KMT2A: variants seen among roughly 807,000 people sequenced by gnomAD.
KMT2A encodes the protein lysine methyltransferase 2A.
In KMT2A, 16 loss-of-function variants were observed where a neutral mutation model predicts 345.3. The ratio of observed to expected loss-of-function variants is 0.05; its 90% confidence interval spans 0.03 to 0.07. The LOEUF is 0.07. Among genes scored for constraint, KMT2A ranks in the 10% least tolerant of loss-of-function variants. The pLI, the probability that KMT2A is intolerant of heterozygous loss-of-function variation, is 1.00. For synonymous variants in KMT2A, 1,599 were observed against 1,778.6 expected (o/e 0.90, Z 2.54); for missense variants, 3,272 against 4,841.6 (o/e 0.68, Z 9.62).
rs1458774618 is a variant in KMT2A at position 118,526,504 on chromosome 11, A to G, written c.*4332A>G. 1.3e-5 allele frequency: 3 copies of G among 230,288 alleles called. No homozygotes were observed. The highest frequency in any genetic ancestry group is 2.6e-5 in the Non-Finnish European group (3 of 116,508). 14.3% of individuals were successfully genotyped at this position (230,288 alleles called of 1,614,324 possible). ...GACAAGCTTCTTTTCTAGAAATAAGACATTTTTTGACAACTTTATCATGTA... is the reference window on the plus strand; with the variant it reads ...GACAAGCTTCTTTTCTAGAAATAAGGCATTTTTTGACAACTTTATCATGTA... On this transcript the variant is annotated 3_prime_UTR_variant, in exon 36 of 36. Transcript: ENST00000534358.
Position 118,475,991 on chromosome 11 carries a change from C to T in KMT2A, c.3157-814C>T, listed in dbSNP as rs1197352060. Among the ~76,000 whole-genome samples, 16 of 152,092 alleles carry T rather than the reference C, an allele frequency of 1.1e-4. No individual in the cohort carries two copies. In the South Asian group the frequency reaches 1.2e-3, roughly 12 times the overall value. On this transcript the variant is annotated intron_variant, in intron 3 of 35. Transcript: ENST00000534358. ...CGTGATCTTGGCTCACTGCAACGTCCGCCTCCCAGGTTCAAGCAATTCTCC... is the reference window on the plus strand; with the variant it reads ...CGTGATCTTGGCTCACTGCAACGTCTGCCTCCCAGGTTCAAGCAATTCTCC...
rs1951077630 is a variant in KMT2A, at chr11:118,526,140, T to C, written c.*3968T>C. The C allele has an allele frequency of 4.6e-6, 1 of 217,522 alleles. No homozygotes were observed. Among genetic ancestry groups the C allele is most frequent in the Non-Finnish European group, 9.2e-6 (1 of 108,164 alleles). 13.5% of individuals were successfully genotyped at this position (217,522 alleles called of 1,614,324 possible). On this transcript the variant is annotated 3_prime_UTR_variant, in exon 36 of 36. Transcript: ENST00000534358. ...GCTCACTTTCCTCTGATTCCCGAAA[T>C]GGGGGGAACCTCTAACCATAAAGGA... is the stretch of plus-strand genomic sequence containing the variant.
rs782264066 is a variant in KMT2A at position 118,472,565 on chromosome 11, C to T, written c.1406C>T (p.Ser469Phe). Residue 469 changes from serine (S) to phenylalanine (F), a missense_variant, in exon 3 of 36, where the codon TCC becomes TTC. This residue lies in a region of KMT2A where 180 missense variants were observed against 190.7 expected (regional missense o/e 0.94). Coordinates refer to ENST00000534358, the MANE Select transcript of KMT2A (RefSeq NM_001197104.2). ...AAATCAAGTGCAGCTTCTCAGCACT[C>T]CTCTCAAATGTCTTCAGACTCCTCT... is the stretch of plus-strand genomic sequence containing the variant. Reference protein sequence around the residue: ...SEKSSAASQHSSQMSSDSSRS... With the variant: ...SEKSSAASQHFSQMSSDSSRS... The T allele has an allele frequency of 1.6e-5, 26 of 1,612,200 alleles. No individual in the cohort carries two copies. The highest frequency in any genetic ancestry group is 2.2e-5 in the South Asian group (2 of 90,926).
In KMT2A at chr11:118,484,918, T is replaced by C. The variant is rs1950203232; in HGVS notation, c.4275T>C (p.Ser1425=). 1 of 1,613,990 alleles carries C rather than the reference T, an allele frequency of 6.2e-7. No individual in the cohort carries two copies. Among genetic ancestry groups the C allele is most frequent in the East Asian group, 2.2e-5 (1 of 44,876 alleles). ...WEMGGLGILT[S]VPITPRVVCF... is the part of the protein sequence containing the mutation. ...TGGGAGGCTTAGGAATCTTGACTTC[T>C]GTTCCTATAACACCCAGGGTGGTTT... The change falls in exon 10 of 36, where the codon TCT becomes TCC. Residue 1425 remains serine (S), a synonymous_variant. Coordinates refer to ENST00000534358, the MANE Select transcript of KMT2A (RefSeq NM_001197104.2). This position sits in a 1 kb window ranked among gnomAD's most constrained non-coding sequence, Gnocchi z 4.1.
chr11:118,459,961 C>T (rs1220445712), intron 1 of KMT2A, among the ~76,000 whole-genome samples: 1 of 152,166 alleles, frequency 6.6e-6, no homozygotes, highest in Non-Finnish European at 1.5e-5. Context: ...TCCCAAAGTG[C>T]TGGGATTACA....
At chr11:118,478,880 CCA>C (rs1950083827) in intron 5 of KMT2A, among the ~76,000 whole-genome samples, 1 of 152,050 alleles carries the variant, frequency 6.6e-6, no homozygotes, top group East Asian at 1.9e-4. Context: ...CCTTGGCCTC[CCA>C]AAGTACTGGG....
Position 118,503,202 on chromosome 11 carries a change from A to G in KMT2A, c.7310A>G (p.Lys2437Arg), listed in dbSNP as rs782439470. 1 of 1,614,114 alleles carries G rather than the reference A, an allele frequency of 6.2e-7. No homozygotes were observed. The highest frequency in any genetic ancestry group is 8.5e-7 in the Non-Finnish European group (1 of 1,179,994). The change falls in exon 27 of 36, where the codon AAA becomes AGA. Residue 2437 changes from lysine to arginine, a missense_variant. This residue lies in a region of KMT2A where 445 missense variants were observed against 500.9 expected (regional missense o/e 0.89). Transcript: ENST00000534358. This position sits in a 1 kb window ranked among gnomAD's most constrained non-coding sequence, Gnocchi z 5.3. ...DRRQKGKKSC[K>R]ETFKEKHSSK... ...AGACAGAAAGGGAAAAAATCCTGTA[A>G]AGAAACTTTCAAAGAAAAGCATTCC... is the stretch of plus-strand genomic sequence containing the variant.
chr11:118,436,578 G>C lies in KMT2A; in HGVS notation c.66G>C (p.Gly22=). ...GGACCACCGGGGGCGGCGGCGGCGG[G>C]GGGCGCCGGGGCCTAGGGGGCGCCC... The part of the protein sequence containing the change: ...RPGTTGGGGG[G]GRRGLGGAPR... Residue 22 remains glycine (G), a synonymous_variant, in exon 1 of 36, where the codon GGG becomes GGC. Coordinates refer to ENST00000534358, the MANE Select transcript of KMT2A (RefSeq NM_001197104.2). The surrounding 1 kb of genome is among the most constrained non-coding windows in gnomAD (Gnocchi z 6.9). 2 of 1,182,074 alleles carry C rather than the reference G, an allele frequency of 1.7e-6. No individual in the cohort carries two copies. The highest frequency in any genetic ancestry group is 2.1e-6 in the Non-Finnish European group (2 of 946,136). The allele number at this position is 1,182,074 out of a possible 1,614,324, so 73.2% of individuals were successfully genotyped here.
intron 15 of KMT2A, among the ~76,000 whole-genome samples, chr11:118,492,337 CTGTTTA>C (rs1249167009): frequency 6.6e-6 from 1 of 152,206 alleles, no homozygotes; most frequent in African/African-American, 2.4e-5. Flanking sequence ...AAAACACTTT[CTGTTTA>C]TGTAAGTTGT....
At chr11:118,437,999 A>G (rs1467810013) in intron 1 of KMT2A, among the ~76,000 whole-genome samples, 2 of 151,848 alleles carry the variant, frequency 1.3e-5, no homozygotes, top group African/African-American at 4.8e-5. Context: ...GCAGTCTCCA[A>G]CCCGAGCTCC....
At chr11:118,482,968 C>A (rs1228419011) in intron 8 of KMT2A, among the ~76,000 whole-genome samples, 1 of 152,152 alleles carries the variant, frequency 6.6e-6, no homozygotes. Context: ...CGCAGCGGCT[C>A]ACGCCTGTGA....
At chr11:118,450,673 AG>A (rs1286270602) in intron 1 of KMT2A, 1 of 152,210 alleles carries the variant, frequency 6.6e-6, no homozygotes, top group African/African-American at 2.4e-5. Flanking sequence ...TATCAGGCAG[AG>A]ATCATATTTA....
chr11:118,507,051 C>A lies in KMT2A; in HGVS notation c.10754+405C>A, dbSNP rs573860827. On this transcript the variant is annotated intron_variant, in intron 27 of 35. Coordinates refer to ENST00000534358, the MANE Select transcript of KMT2A (RefSeq NM_001197104.2). ...GTGGCTCATGTCTGTAATCCCAGCA[C>A]TTTGGAAGGCTGAGGCAGAAGGATT... Among the ~76,000 whole-genome samples the A allele has an allele frequency of 2.0e-5, 3 of 152,148 alleles. No individual in the cohort carries two copies. The South Asian group carries it at 6.2e-4, about 32-fold the overall frequency.
rs1431431402 is a variant in KMT2A at position 118,481,809 on chromosome 11, A to G, written c.3729A>G (p.Lys1243=). 6.2e-7 allele frequency: 1 copy of G among 1,614,118 alleles called. No homozygotes were observed. Residue 1243 remains lysine, a synonymous_variant, in exon 7 of 36, where the codon AAA becomes AAG. Coordinates refer to ENST00000534358, the MANE Select transcript of KMT2A (RefSeq NM_001197104.2). The part of the protein sequence containing the change: ...VVKNVVDSSQ[K]PTPSAREDPA... ...AGAACGTGGTGGACTCTAGTCAGAA[A>G]CCTACCCCATCAGCAAGAGAGGATC...
rs2134368571 is a variant in KMT2A, at chr11:118,498,538, C to T, written c.5961+10C>T. The stretch of plus-strand genomic sequence containing the variant: ...TTTGATCAAAGGCGAAGTGAGAGAG[C>T]TTTAGTTGCTTTAAAAAAAAAAAAA... On this transcript the variant is annotated intron_variant, in intron 22 of 35. Transcript: ENST00000534358. The surrounding 1 kb of genome is among the most constrained non-coding windows in gnomAD (Gnocchi z 4.4). The T allele has an allele frequency of 6.4e-7, 1 of 1,551,364 alleles. No homozygotes were observed. Among genetic ancestry groups the T allele is most frequent in the South Asian group, 1.2e-5 (1 of 82,598 alleles).
At chr11:118,515,570 T>G (rs1950793682) in intron 31 of KMT2A, among the ~76,000 whole-genome samples, 1 of 152,134 alleles carries the variant, frequency 6.6e-6, no homozygotes, top group African/African-American at 2.4e-5. Context: ...GCTGCAGCAG[T>G]TCCCACAATA....
chr11:118,507,920 G>A (rs900606262), intron 28 of KMT2A, among the ~76,000 whole-genome samples: 15 of 152,114 alleles, frequency 9.9e-5, no homozygotes, highest in African/African-American at 2.7e-4. Context: ...CTGAGATCGC[G>A]CCACTGCACT....
chr11:118,516,117 A>G (rs549611729), intron 31 of KMT2A, among the ~76,000 whole-genome samples: 1 of 152,162 alleles, frequency 6.6e-6, no homozygotes, highest in Non-Finnish European at 1.5e-5. Flanking sequence ...CCTGTCCATT[A>G]TACTCCATTT....
intron 1 of KMT2A, among the ~76,000 whole-genome samples, chr11:118,452,551 C>T (rs1949560317): frequency 6.6e-6 from 1 of 152,024 alleles, no homozygotes; most frequent in Non-Finnish European, 1.5e-5. Context: ...AACTTTTTCC[C>T]TCCTGTTAAA....
Sources: gnomAD v4.1 joint callset for allele counts (sites outside exome capture counted in the v4.1 genomes callset) on GRCh38, gnomAD v4.1.1 for gene constraint, gnomAD v4.1.1 regional missense constraint, Gnocchi (gnomAD v3.1) non-coding constraint, MANE v1.5 for transcripts, NCBI Gene and HGNC (gene_info 2026-07-23, HGNC 2026-07-21) for gene names.